Variants in TCF7L1 observed in about 807,000 individuals in gnomAD.
TCF7L1 encodes the protein transcription factor 7 like 1, also known as transcription factor 7-like 1.
A neutral mutation model predicts 63.7 loss-of-function variants in TCF7L1; 18 were observed. That is an observed-to-expected ratio of 0.28 (90% CI 0.20 to 0.42). TCF7L1 has a LOEUF of 0.42. Ranked by LOEUF, TCF7L1 falls within the 10% of genes least tolerant of loss-of-function variation. The pLI, the probability that TCF7L1 is intolerant of heterozygous loss-of-function variation, is 1.00. For missense variants in TCF7L1, 654 were observed against 779.3 expected, an observed-to-expected ratio of 0.84 and a Z score of 1.91; for synonymous variants, 355 against 340.9, an observed-to-expected ratio of 1.04 and a Z score of -0.46.
chr2:85,208,686 G>T (rs944296060), intron 3 of TCF7L1, among the ~76,000 whole-genome samples: 2 of 152,148 alleles, frequency 1.3e-5, no homozygotes, highest in African/African-American at 4.8e-5. Context: ...AGTGGAAGAG[G>T]GCCTCTGGAA....
intron 11 of TCF7L1, among the ~76,000 whole-genome samples, chr2:85,308,461 CT>C (rs1254602928): frequency 1.3e-5 from 1 of 78,750 alleles, no homozygotes; most frequent in Non-Finnish European, 2.4e-5. Context: ...CCCTCCCTCT[CT>C]TTCCCTCCCT....
rs866033584 is a variant in TCF7L1, at chr2:85,306,750, C to T, written c.1257+191C>T. Among the ~76,000 whole-genome samples, 8 of 152,132 alleles carry T rather than the reference C, an allele frequency of 5.3e-5. No homozygotes were observed. Among genetic ancestry groups the T allele is most frequent in the Non-Finnish European group, 1.2e-4 (8 of 68,014 alleles). On this transcript the variant is annotated intron_variant, in intron 10 of 11. Transcript: ENST00000282111. This position sits in a 1 kb window ranked among gnomAD's most constrained non-coding sequence, Gnocchi z 4.3. Reference sequence around the variant, plus strand: ...CGCGATCTCGGCTCACTGCAAGCTCCGCCTCCCCGGTTCACACCATTCTCC... The same window carrying T: ...CGCGATCTCGGCTCACTGCAAGCTCTGCCTCCCCGGTTCACACCATTCTCC...
At chr2:85,276,095 C>G (rs1396797374) in intron 3 of TCF7L1, among the ~76,000 whole-genome samples, 2 of 152,290 alleles carry the variant, frequency 1.3e-5, no homozygotes, top group South Asian at 2.1e-4. Context: ...CCCTGGAACT[C>G]TTTGTCTAAT....
chr2:85,167,705 A>G (rs1178367264), intron 3 of TCF7L1, among the ~76,000 whole-genome samples: 2 of 152,128 alleles, frequency 1.3e-5, no homozygotes, highest in African/African-American at 4.8e-5. Flanking sequence ...GTCTAAGAAA[A>G]ATACAAAAAT....
chr2:85,290,348 T>TA (rs113056803), intron 4 of TCF7L1, among the ~76,000 whole-genome samples: 19 of 151,702 alleles, frequency 1.3e-4, no homozygotes, highest in African/African-American at 3.4e-4. Flanking sequence ...TCCCCCCATT[T>TA]AAAAAAAATT....
At chr2:85,249,280 C>T (rs1483135744) in intron 3 of TCF7L1, among the ~76,000 whole-genome samples, 1 of 152,190 alleles carries the variant, frequency 6.6e-6, no homozygotes, top group Admixed American at 6.5e-5. Flanking sequence ...AAAAGTGGTC[C>T]CTCGCTGGCC....
At chr2:85,252,539 G>A (rs1045905557) in intron 3 of TCF7L1, among the ~76,000 whole-genome samples, 4 of 152,172 alleles carry the variant, frequency 2.6e-5, no homozygotes. Context: ...GGGAGTTTGG[G>A]GAGCCTCTGA....
At chr2:85,172,735 A>C (rs1467714554) in intron 3 of TCF7L1, among the ~76,000 whole-genome samples, 1 of 152,052 alleles carries the variant, frequency 6.6e-6, no homozygotes, top group East Asian at 1.9e-4. Flanking sequence ...CACCTAGAAC[A>C]TTCTTTATCC....
chr2:85,274,589 G>A (rs563344401), intron 3 of TCF7L1, among the ~76,000 whole-genome samples: 1 of 152,306 alleles, frequency 6.6e-6, no homozygotes, highest in Non-Finnish European at 1.5e-5. Flanking sequence ...GGTCATTGGT[G>A]TGCCTGAGCC....
At chr2:85,229,276 G>A (rs1680022308) in intron 3 of TCF7L1, among the ~76,000 whole-genome samples, 1 of 152,176 alleles carries the variant, frequency 6.6e-6, no homozygotes, top group Non-Finnish European at 1.5e-5. Context: ...GAACCCGGGA[G>A]GCGGAGCTTG....
At chr2:85,275,377 T>C (rs1681247031) in intron 3 of TCF7L1, among the ~76,000 whole-genome samples, 1 of 152,144 alleles carries the variant, frequency 6.6e-6, no homozygotes. Context: ...CCAGGTTCTT[T>C]GGAATGCGAG....
intron 3 of TCF7L1, among the ~76,000 whole-genome samples, chr2:85,161,726 T>C (rs1678291347): frequency 6.6e-6 from 1 of 152,120 alleles, no homozygotes; most frequent in Non-Finnish European, 1.5e-5. Flanking sequence ...GCCTGCGGGT[T>C]TGTGGTGATT....
intron 3 of TCF7L1, among the ~76,000 whole-genome samples, chr2:85,259,248 C>G (rs1315351939): frequency 1.3e-5 from 2 of 152,242 alleles, no homozygotes. Context: ...TAAAACTGCT[C>G]TGTCAGTAAG....
chr2:85,208,849 C>T (rs562292821), intron 3 of TCF7L1, among the ~76,000 whole-genome samples: 7 of 152,180 alleles, frequency 4.6e-5, no homozygotes, highest in Non-Finnish European at 1.0e-4. Context: ...TTTACTTCTC[C>T]TGTTGAGAGA....
intron 3 of TCF7L1, among the ~76,000 whole-genome samples, chr2:85,169,199 T>TGAAG (rs1678492295): frequency 6.6e-6 from 1 of 152,020 alleles, no homozygotes; most frequent in African/African-American, 2.4e-5. Flanking sequence ...CAGCCTTCCT[T>TGAAG]CTCATCAGTC....
intron 3 of TCF7L1, among the ~76,000 whole-genome samples, chr2:85,250,762 G>A (rs1384248000): frequency 1.3e-5 from 2 of 152,108 alleles, no homozygotes; most frequent in African/African-American, 4.8e-5. Context: ...AATAAGCCTG[G>A]CTAGCTTTGT....
chr2:85,294,290 C>T (rs934393178), intron 4 of TCF7L1, among the ~76,000 whole-genome samples: 2 of 152,120 alleles, frequency 1.3e-5, no homozygotes, highest in African/African-American at 4.8e-5. Flanking sequence ...CCCGCCTCGG[C>T]CTCCCAAAGT....
intron 3 of TCF7L1, among the ~76,000 whole-genome samples, chr2:85,239,746 C>T (rs149584180): frequency 5.3e-4 from 81 of 152,030 alleles, no homozygotes; most frequent in African/African-American, 1.5e-3. Flanking sequence ...AGTTCGAGAC[C>T]AGCTTGACCA....
At chr2:85,177,409 C>T (rs1386789828) in intron 3 of TCF7L1, among the ~76,000 whole-genome samples, 1 of 152,170 alleles carries the variant, frequency 6.6e-6, no homozygotes, top group Non-Finnish European at 1.5e-5. Flanking sequence ...ATCCACCACA[C>T]TATATAAAAG....
Sources: allele counts gnomAD v4.1 joint callset (sites outside exome capture counted in the v4.1 genomes callset), GRCh38; gene constraint gnomAD v4.1.1; non-coding constraint Gnocchi (gnomAD v3.1); transcripts MANE v1.5; gene names NCBI Gene and HGNC (gene_info 2026-07-23, HGNC 2026-07-21).